ZNF724: variants seen among roughly 807,000 people sequenced by gnomAD.
ZNF724 encodes zinc finger protein 724, also known as zinc finger protein 724 pseudogene.
Under a neutral mutation model 29.3 loss-of-function variants are expected in ZNF724, and 14 were observed. The ratio of observed to expected loss-of-function variants is 0.48; its 90% confidence interval spans 0.32 to 0.75. ZNF724 has a LOEUF of 0.75. Among genes scored for constraint, ZNF724 ranks in the 30% least tolerant of loss-of-function variants. The probability of loss-of-function intolerance (pLI) is 0.04; values close to 1 mark genes in which losing one functional copy is unlikely to be tolerated. For synonymous variants in ZNF724, 180 were observed against 193.6 expected (o/e 0.93, Z 0.58); for missense variants, 557 against 571.2 (o/e 0.98, Z 0.25).
chr19:23,236,262 G>T (rs930311058), intron 1 of ZNF724: 1 of 152,078 alleles, frequency 6.6e-6, no homozygotes, highest in Non-Finnish European at 1.5e-5. Context: ...CATCTTACAC[G>T]AACCCCAACT....
chr19:23,241,379 C>A (rs959567851), intron 1 of ZNF724, among the ~76,000 whole-genome samples: 1 of 152,192 alleles, frequency 6.6e-6, no homozygotes, highest in Non-Finnish European at 1.5e-5. Flanking sequence ...GAAGGGACTT[C>A]TCCCCAGCTC....
chr19:23,247,966 G>A (rs1179578076), intron 1 of ZNF724, among the ~76,000 whole-genome samples: 1 of 152,118 alleles, frequency 6.6e-6, no homozygotes, highest in Non-Finnish European at 1.5e-5. Flanking sequence ...AACTCTAGCA[G>A]ATAGACATGG....
Position 23,222,558 on chromosome 19 carries a change from T to C in ZNF724, c.1687A>G (p.Lys563Glu). ...KIIHTGEKPY[K>E]CEECGKAFNW... is the part of the protein sequence containing the mutation. Reference sequence around the variant, plus strand: ...AAGGCTTTGCCACATTCTTCACATTTGTAGGGTTTCTCTCCAGTATGAATT... The same window carrying C: ...AAGGCTTTGCCACATTCTTCACATTCGTAGGGTTTCTCTCCAGTATGAATT... Residue 563 changes from lysine to glutamate, a missense_variant, in exon 4 of 4, where the codon AAA (lysine) becomes GAA (glutamate). Around this residue, in one of 3 missense-constraint regions of ZNF724, gnomAD observed 170 missense variants for 220.7 expected, o/e 0.77. Transcript: ENST00000418100. 7.2e-7 allele frequency: 1 copy of C among 1,380,392 alleles called. No homozygotes were observed. The highest frequency in any genetic ancestry group is 2.3e-5 in the East Asian group (1 of 43,762). The allele number at this position is 1,380,392 out of a possible 1,614,324, so 85.5% of individuals were successfully genotyped here.
Position 23,223,739 on chromosome 19 carries a change from G to T in ZNF724, c.506C>A (p.Pro169His). Residue 169 changes from proline to histidine, a missense_variant, in exon 4 of 4, where the codon CCT becomes CAT. Pro to His is a moderately conservative substitution (Grantham distance 77). Around this residue, in one of 3 missense-constraint regions of ZNF724, gnomAD observed 362 missense variants for 295.5 expected, o/e 1.22. Coordinates refer to ENST00000418100, the MANE Select transcript of ZNF724 (RefSeq NM_001355404.2). Reference protein sequence around the residue: ...NSNRHKTEKNPFKCKECGKSF... With the variant: ...NSNRHKTEKNHFKCKECGKSF... ...CTTGCCACATTCTTTACATTTGAAA[G>T]GATTCTTTTCAGTCTTATGTCTATT... 1 of 735,620 alleles carries T rather than the reference G, an allele frequency of 1.4e-6. No individual in the cohort carries two copies. Among genetic ancestry groups the T allele is most frequent in the Non-Finnish European group, 2.5e-6 (1 of 396,610 alleles). The allele number at this position is 735,620 out of a possible 1,614,324, so 45.6% of individuals were successfully genotyped here.
intron 3 of ZNF724, among the ~76,000 whole-genome samples, chr19:23,226,241 C>A (rs937975095): frequency 2.6e-5 from 4 of 151,978 alleles, no homozygotes; most frequent in African/African-American, 7.2e-5. Context: ...TTAGTAGAGA[C>A]AAGGTTTCAC....
intron 1 of ZNF724, among the ~76,000 whole-genome samples, chr19:23,240,543 T>C (rs963698649): frequency 6.6e-6 from 1 of 151,960 alleles, no homozygotes; most frequent in East Asian, 1.9e-4. Flanking sequence ...AAATGTGACA[T>C]AATGGAACTG....
chr19:23,238,922 C>T (rs1972067511), intron 1 of ZNF724, among the ~76,000 whole-genome samples: 2 of 151,868 alleles, frequency 1.3e-5, no homozygotes, highest in South Asian at 4.2e-4. Context: ...ACAAAAACAG[C>T]TAAATCTCTG....
At chr19:23,238,834 G>A (rs1406698189) in intron 1 of ZNF724, among the ~76,000 whole-genome samples, 1 of 152,166 alleles carries the variant, frequency 6.6e-6, no homozygotes, top group African/African-American at 2.4e-5. Flanking sequence ...TTGAACCCAG[G>A]AGGCAGAGGT....
At chr19:23,245,944 G>A (rs943607214) in intron 1 of ZNF724, among the ~76,000 whole-genome samples, 1 of 152,036 alleles carries the variant, frequency 6.6e-6, no homozygotes, top group Non-Finnish European at 1.5e-5. Context: ...GCTTTCCATG[G>A]CTCTATAGCT....
At chr19:23,241,200 C>A (rs975514497) in intron 1 of ZNF724, among the ~76,000 whole-genome samples, 3 of 151,984 alleles carry the variant, frequency 2.0e-5, no homozygotes, top group African/African-American at 7.2e-5. Flanking sequence ...CTCTCAAGAC[C>A]AAACAAGTTG....
At chr19:23,247,782 A>C (rs1301752310) in intron 1 of ZNF724, among the ~76,000 whole-genome samples, 1 of 152,264 alleles carries the variant, frequency 6.6e-6, no homozygotes, top group Non-Finnish European at 1.5e-5. Flanking sequence ...TGTCTCCAAG[A>C]AATGGAAAAT....
At chr19:23,227,660 C>A (rs1313193213) in intron 3 of ZNF724, among the ~76,000 whole-genome samples, 1 of 145,808 alleles carries the variant, frequency 6.9e-6, no homozygotes, top group Non-Finnish European at 1.5e-5. Context: ...ATATATAAAA[C>A]AAATATTTGG....
At chr19:23,247,671 T>G (rs1972265677) in intron 1 of ZNF724, among the ~76,000 whole-genome samples, 1 of 152,244 alleles carries the variant, frequency 6.6e-6, no homozygotes, top group Non-Finnish European at 1.5e-5. Flanking sequence ...TTATCTGTCT[T>G]TGGGGATACA....
chr19:23,245,617 A>G (rs1176061037), intron 1 of ZNF724, among the ~76,000 whole-genome samples: 2 of 151,898 alleles, frequency 1.3e-5, no homozygotes, highest in Non-Finnish European at 2.9e-5. Context: ...CCATCTCAAA[A>G]AAAAAAAAAA....
intron 1 of ZNF724, among the ~76,000 whole-genome samples, chr19:23,232,696 T>G (rs915702828): frequency 7.1e-6 from 1 of 140,318 alleles, no homozygotes; most frequent in Non-Finnish European, 1.6e-5. Flanking sequence ...TTTTTTTTTT[T>G]GCAGAAGATC....
intron 1 of ZNF724, among the ~76,000 whole-genome samples, chr19:23,244,963 G>A (rs1972211386): frequency 6.6e-6 from 1 of 152,182 alleles, no homozygotes; most frequent in African/African-American, 2.4e-5. Flanking sequence ...TGAAAGAAAT[G>A]TGTAAGACAA....
intron 3 of ZNF724, among the ~76,000 whole-genome samples, chr19:23,227,571 C>A (rs10423692): frequency 0.037 from 4,251 of 116,386 alleles, 72 homozygotes; most frequent in African/African-American, 0.055. Context: ...AAAAAAAAAA[C>A]AAAAAAAAAC....
chr19:23,225,112 T>A (rs1414284390), intron 3 of ZNF724, among the ~76,000 whole-genome samples: 2 of 152,232 alleles, frequency 1.3e-5, no homozygotes, highest in Non-Finnish European at 2.9e-5. Flanking sequence ...AAAATAGAAT[T>A]ATAATTAAAT....
In ZNF724 at chr19:23,249,241, CT is replaced by C. The variant is rs35301912; in HGVS notation, c.3+998del. 4.8e-3 allele frequency among the ~76,000 whole-genome samples: 644 copies of C among 133,786 alleles called. 2 individuals carry two copies. The highest frequency in any genetic ancestry group is 0.014 in the African/African-American group (511 of 35,998). 87.8% of individuals were successfully genotyped at this position (133,786 alleles called of 152,430 possible). On this transcript the variant is annotated intron_variant, in intron 1 of 3. Coordinates refer to ENST00000418100, the MANE Select transcript of ZNF724 (RefSeq NM_001355404.2). ...TATTTAATATTTTTGCAGAGACTGC[CT>C]TTTTTTTTTTTTTTTCTAGACAGAG...
Sources: allele counts gnomAD v4.1 joint callset (sites outside exome capture counted in the v4.1 genomes callset), GRCh38; gene constraint gnomAD v4.1.1; regional missense constraint gnomAD v4.1.1; transcripts MANE v1.5; gene names NCBI Gene and HGNC (gene_info 2026-07-23, HGNC 2026-07-21).